Variants in BRCA2 observed in about 807,000 individuals in gnomAD.
BRCA2 encodes the protein BRCA2 DNA repair associated, also known as breast cancer type 2 susceptibility protein.
BRCA2 carries 203 observed loss-of-function variants against 276.7 expected under a neutral mutation model. That is an observed-to-expected ratio of 0.73 (90% CI 0.65 to 0.82). The LOEUF (loss-of-function observed/expected upper bound fraction) is 0.82. BRCA2 is among the 40% of genes least tolerant of loss of function. The pLI is 0.00. For missense variants in BRCA2, 3,920 were observed against 3,915.0 expected (o/e 1.00, Z -0.03); for synonymous variants, 1,289 against 1,338.4 (o/e 0.96, Z 0.81).
In BRCA2 at chr13:32,326,232, T is replaced by C; in HGVS notation, c.476-10T>C. Reference sequence around the variant, plus strand: ...AAAACTTAACAATTTTCCCCTTTTTTTACCCCCAGTGGTATGTGGGAGTTT... The same window carrying C: ...AAAACTTAACAATTTTCCCCTTTTTCTACCCCCAGTGGTATGTGGGAGTTT... On this transcript the variant is annotated splice_polypyrimidine_tract_variant and intron_variant, in intron 5 of 26. Coordinates refer to ENST00000380152, the MANE Select transcript of BRCA2 (RefSeq NM_000059.4). 1 of 1,613,292 alleles carries C rather than the reference T, an allele frequency of 6.2e-7. No individual in the cohort carries two copies. Among genetic ancestry groups the C allele is most frequent in the Admixed American group, 1.7e-5 (1 of 60,022 alleles).
At position 32,377,924 on chromosome 13, in the gene BRCA2, T is replaced by C. The variant is rs1593935779; in HGVS notation, c.8754+1133T>C. Among the ~76,000 whole-genome samples the C allele has an allele frequency of 3.3e-5, 5 of 152,216 alleles. No homozygotes were observed. In the East Asian group the frequency reaches 9.6e-4, roughly 29 times the overall value. On this transcript the variant is annotated intron_variant, in intron 21 of 26. Coordinates refer to ENST00000380152, the MANE Select transcript of BRCA2 (RefSeq NM_000059.4). ...TACAAAATAAACAATATTTCATCAG[T>C]AATGTAAGCAGTGCTATACTGAGTA...
chr13:32,341,063 AGAT>A lies in BRCA2; in HGVS notation c.6714_6716del (p.Asp2238del), dbSNP rs786202738. 4 of 1,613,888 alleles carry A rather than the reference AGAT, an allele frequency of 2.5e-6. No individual in the cohort carries two copies. In the African/African-American group the frequency reaches 4.0e-5, roughly 16 times the overall value. The stretch of plus-strand genomic sequence containing the variant: ...TAGAAATTGCTAAAGCTTTTATGGA[AGAT>A]GATGAACTGACAGATTCTAAACTGC... On this transcript the variant is annotated inframe_deletion, in exon 11 of 27. Transcript: ENST00000380152.
rs576501468 is a variant in BRCA2 at position 32,342,240 on chromosome 13, T to C, written c.6841+1044T>C. ...GTGAGCTGACATCACACCACTGCTC[T>C]CCAGCCTGGGCAACAGAGCGAGACT... On this transcript the variant is annotated intron_variant, in intron 11 of 26. Transcript: ENST00000380152. Among the ~76,000 whole-genome samples, 9 of 144,978 alleles carry C rather than the reference T, an allele frequency of 6.2e-5. No homozygotes were observed. The East Asian group carries it at 1.4e-3, about 23-fold the overall frequency.
At position 32,325,142 on chromosome 13, in the gene BRCA2, A is replaced by G. The variant is rs80358627; in HGVS notation, c.383A>G (p.Asp128Gly). ...GTGAAAACTAAAATGGATCAAGCAGATGATGTTTCCTGTCCACTTCTAAAT... is the reference window on the plus strand; with the variant it reads ...GTGAAAACTAAAATGGATCAAGCAGGTGATGTTTCCTGTCCACTTCTAAAT... ...RTVKTKMDQA[D>G]DVSCPLLNSC... The change falls in exon 4 of 27, where the codon GAT becomes GGT. Residue 128 changes from aspartate (D) to glycine (G), a missense_variant. Physicochemically the swap from Asp to Gly is moderately conservative, Grantham distance 94. Transcript: ENST00000380152. The G allele has an allele frequency of 3.7e-6, 6 of 1,608,444 alleles. No individual in the cohort carries two copies. The highest frequency in any genetic ancestry group is 2.2e-5 in the East Asian group (1 of 44,828).
rs765056110 is a variant in BRCA2 at position 32,331,064 on chromosome 13, TTTG to T, written c.793+46_793+48del. The T allele has an allele frequency of 6.1e-5, 91 of 1,488,668 alleles. No individual in the cohort carries two copies. The highest frequency in any genetic ancestry group is 7.7e-5 in the Non-Finnish European group (83 of 1,071,754). The allele number at this position is 1,488,668 out of a possible 1,614,324, so 92.2% of individuals were successfully genotyped here. A position where few individuals can be genotyped will look rare whatever the true frequency, so the allele number is the denominator to read the frequency against. ...TCTGTTTAGTTGAACTACAGGTTTT[TTTG>T]TTGTTGTTGTTTTGATTTTTTTTTT... On this transcript the variant is annotated intron_variant, in intron 9 of 26. Transcript: ENST00000380152.
chr13:32,346,849 G>A lies in BRCA2; in HGVS notation c.6960G>A (p.Leu2320=), dbSNP rs373134168. 26 of 1,609,134 alleles carry A rather than the reference G, an allele frequency of 1.6e-5. No individual in the cohort carries two copies. Among genetic ancestry groups the A allele is most frequent in the Admixed American group, 1.0e-4 (6 of 59,838 alleles). ...TAGGCACAATAAAAGATCGAAGATT[G>A]TTTATGCATCATGTTTCTTTAGAGC... The part of the protein sequence containing the change: ...TPDGTIKDRR[L]FMHHVSLEPI... Residue 2320 remains leucine, a synonymous_variant, in exon 13 of 27, where the codon TTG becomes TTA. Coordinates refer to ENST00000380152, the MANE Select transcript of BRCA2 (RefSeq NM_000059.4).
chr13:32,330,850 A>G (rs2137460737), intron 8 of BRCA2, 69 bp from the exon 9 acceptor site: 5 of 922,040 alleles, frequency 5.4e-6, no homozygotes, highest in South Asian at 4.4e-5. Context: ...ACCATGGATA[A>G]GGGGGGACTA....
In BRCA2 at chr13:32,363,444, G is replaced by C. The variant is rs56371528; in HGVS notation, c.8242G>C (p.Gly2748Arg). 6.2e-7 allele frequency: 1 copy of C among 1,614,064 alleles called. No individual in the cohort carries two copies. The highest frequency in any genetic ancestry group is 2.2e-5 in the East Asian group (1 of 44,886). ...AVLKNGRLTV[G>R]QKIILHGAEL... Reference sequence around the variant, plus strand: ...CTTAAAGAATGGCAGACTGACAGTTGGTCAGAAGATTATTCTTCATGGAGC... The same window carrying C: ...CTTAAAGAATGGCAGACTGACAGTTCGTCAGAAGATTATTCTTCATGGAGC... The change falls in exon 18 of 27, where the codon GGT becomes CGT. Residue 2748 changes from glycine to arginine, a missense_variant. This residue lies in a region of BRCA2 where 3,263 missense variants were observed against 3,156.9 expected (regional missense o/e 1.03). Transcript: ENST00000380152.
chr13:32,332,196 T>G, intron 9 of BRCA2, 76 bp from the exon 10 acceptor site: 394 of 1,341,992 alleles, frequency 2.9e-4, no homozygotes, highest in Non-Finnish European at 3.6e-4. Flanking sequence ...ACTGTTTCTA[T>G]GAGAAAGGTT....
intron 25 of BRCA2, among the ~76,000 whole-genome samples, chr13:32,395,476 C>T (rs2073029523): frequency 1.3e-5 from 2 of 152,134 alleles, no homozygotes; most frequent in Admixed American, 1.3e-4. Context: ...TTGTTCTAAG[C>T]TTCTCATTTA....
chr13:32,324,887 T>C (rs530450929), intron 3 of BRCA2, among the ~76,000 whole-genome samples, 189 bp from the exon 4 acceptor site: 5 of 152,238 alleles, frequency 3.3e-5, no homozygotes, highest in African/African-American at 1.2e-4. Flanking sequence ...AGCCCTCAAA[T>C]TATAAGCCAC....
rs2137498075 is a variant in BRCA2, at chr13:32,337,940, G to A, written c.3585G>A (p.Leu1195=). The A allele has an allele frequency of 3.7e-6, 6 of 1,614,042 alleles. No homozygotes were observed. Among genetic ancestry groups the A allele is most frequent in the Non-Finnish European group, 5.1e-6 (6 of 1,179,952 alleles). ...AAATTAAACGGAAGTTTGCTGGCCT[G>A]TTGAAAAATGACTGTAACAAAAGTG... ...TVEIKRKFAG[L]LKNDCNKSAS... is the part of the protein sequence containing the mutation. Residue 1195 remains leucine, a synonymous_variant, in exon 11 of 27, where the codon CTG becomes CTA. Coordinates refer to ENST00000380152, the MANE Select transcript of BRCA2 (RefSeq NM_000059.4).
chr13:32,369,819 C>G (rs2137595038), intron 18 of BRCA2, among the ~76,000 whole-genome samples: 1 of 152,348 alleles, frequency 6.6e-6, no homozygotes, highest in Admixed American at 6.5e-5. Context: ...GGTGATACGC[C>G]TGCCTCGGCC....
At chr13:32,390,111 A>G (rs932159473) in intron 24 of BRCA2, among the ~76,000 whole-genome samples, 7 of 152,146 alleles carry the variant, frequency 4.6e-5, no homozygotes, top group East Asian at 1.9e-4. Flanking sequence ...TTAAAGTTCT[A>G]TTAGAAAGTT....
Position 32,332,917 on chromosome 13 carries a change from G to A in BRCA2, c.1439G>A (p.Cys480Tyr), listed in dbSNP as rs587782648. The change falls in exon 10 of 27, where the codon TGC becomes TAC. Residue 480 changes from cysteine to tyrosine, a missense_variant. By Grantham distance (194) the Cys-to-Tyr change is radical. Around this residue, in one of 2 missense-constraint regions of BRCA2, gnomAD observed 3,263 missense variants for 3,156.9 expected, o/e 1.03. Transcript: ENST00000380152. Reference sequence around the variant, plus strand: ...CAGCATCTTGAATCTCATACAGACTGCATTCTTGCAGTAAAGCAGGCAATA... The same window carrying A: ...CAGCATCTTGAATCTCATACAGACTACATTCTTGCAGTAAAGCAGGCAATA... ...EEQHLESHTD[C>Y]ILAVKQAISG... 3.7e-6 allele frequency: 6 copies of A among 1,608,762 alleles called. No homozygotes were observed. The East Asian group carries it at 1.1e-4, about 30-fold the overall frequency.
At chr13:32,385,605 A>T (rs1038807049) in intron 24 of BRCA2, 14 of 268,154 alleles carry the variant, frequency 5.2e-5, no homozygotes, top group African/African-American at 3.2e-4. Context: ...AGCAGCCTAG[A>T]GGGCAGAACA....
chr13:32,394,996 C>T (rs2073026505), intron 25 of BRCA2, 63 bp downstream of exon 25: 10 of 1,597,344 alleles, frequency 6.3e-6, no homozygotes, highest in South Asian at 1.1e-5. Context: ...AGTCCAGTAT[C>T]AAGGAAATAG....
At chr13:32,331,082 A>T in intron 9 of BRCA2, 52 bp downstream of exon 9, 6 of 1,086,320 alleles carry the variant, frequency 5.5e-6, no homozygotes, top group Admixed American at 2.3e-5. Flanking sequence ...TGTTGTTTTG[A>T]TTTTTTTTTT....
Position 32,337,246 on chromosome 13 carries a change from A to G in BRCA2, c.2891A>G (p.Lys964Arg). ...AAAAATAGTGTAAAGCAGCATATAA[A>G]AATGACTCTAGGTCAAGATTTAAAA... The part of the protein sequence containing the change: ...ENKNSVKQHI[K>R]MTLGQDLKSD... Residue 964 changes from lysine to arginine, a missense_variant, in exon 11 of 27, where the codon AAA becomes AGA. Lys to Arg is a conservative substitution (Grantham distance 26). Coordinates refer to ENST00000380152, the MANE Select transcript of BRCA2 (RefSeq NM_000059.4). 1 of 1,611,890 alleles carries G rather than the reference A, an allele frequency of 6.2e-7. No individual in the cohort carries two copies. Among genetic ancestry groups the G allele is most frequent in the Non-Finnish European group, 8.5e-7 (1 of 1,179,398 alleles).
Sources: gnomAD v4.1 joint callset for allele counts (sites outside exome capture counted in the v4.1 genomes callset) on GRCh38, gnomAD v4.1.1 for gene constraint, gnomAD v4.1.1 regional missense constraint, MANE v1.5 for transcripts, NCBI Gene and HGNC (gene_info 2026-07-23, HGNC 2026-07-21) for gene names.